Variants in PTPRD observed in about 807,000 individuals in gnomAD.
PTPRD encodes the protein receptor-type tyrosine-protein phosphatase delta.
PTPRD carries 34 observed loss-of-function variants against 214.5 expected under a neutral mutation model. That is an observed-to-expected ratio of 0.16 (90% CI 0.12 to 0.21). The LOEUF (loss-of-function observed/expected upper bound fraction) is 0.21, where lower values mean the gene tolerates loss of function less well. Ranked by LOEUF, PTPRD falls within the 10% of genes least tolerant of loss-of-function variation. The pLI, the probability that PTPRD is intolerant of heterozygous loss-of-function variation, is 1.00. For missense variants in PTPRD, 2,545 were observed against 2,398.7 expected (o/e 1.06, Z -1.27); for synonymous variants, 1,128 against 845.7 (o/e 1.33, Z -5.79).
At chr9:9,487,752 A>T (rs2095712316) in intron 8 of PTPRD, among the ~76,000 whole-genome samples, 1 of 152,130 alleles carries the variant, frequency 6.6e-6, no homozygotes, top group Admixed American at 6.6e-5. Context: ...ATAGACTTTG[A>T]TTCTTTACAA....
At chr9:9,469,340 T>C (rs1320975826) in intron 8 of PTPRD, among the ~76,000 whole-genome samples, 2 of 152,148 alleles carry the variant, frequency 1.3e-5, no homozygotes, top group African/African-American at 4.8e-5. Context: ...AACTGTTGTC[T>C]TCTAGGAGCA....
intron 21 of PTPRD, among the ~76,000 whole-genome samples, chr9:8,509,958 T>C (rs1306099382): frequency 6.6e-6 from 1 of 152,116 alleles, no homozygotes; most frequent in Non-Finnish European, 1.5e-5. Context: ...TTGAAATGGT[T>C]CGGAGGTTAA....
intron 2 of PTPRD, among the ~76,000 whole-genome samples, chr9:10,526,512 C>T (rs1001390785): frequency 1.3e-5 from 2 of 151,946 alleles, no homozygotes; most frequent in Non-Finnish European, 2.9e-5. Flanking sequence ...ATTTCAGGAG[C>T]TTATAAGGAG....
chr9:9,276,763 G>A (rs566546286), intron 9 of PTPRD, among the ~76,000 whole-genome samples: 4 of 151,418 alleles, frequency 2.6e-5, no homozygotes, highest in Admixed American at 2.6e-4. Context: ...TCTCTTTCTT[G>A]GTGTAAGGGG....
intron 39 of PTPRD, among the ~76,000 whole-genome samples, chr9:8,367,308 T>G (rs559346423): frequency 2.1e-4 from 32 of 152,314 alleles, no homozygotes; most frequent in Non-Finnish European, 3.8e-4. Context: ...ATTAGTTTTA[T>G]TACCATAAGC....
intron 10 of PTPRD, among the ~76,000 whole-genome samples, chr9:9,126,297 C>T (rs531664335): frequency 6.6e-6 from 1 of 152,272 alleles, no homozygotes; most frequent in South Asian, 2.1e-4. Context: ...TTCCTATAGC[C>T]TTTGGCATTT....
rs149506861 is a variant in PTPRD at position 10,397,308 on chromosome 9, A to G, written c.-599-56291T>C. On this transcript the variant is annotated intron_variant, in intron 2 of 45. Transcript: ENST00000381196. ...TGGACATGATAATGGTACATCCGTC[A>G]GACATTTGTTGTGTCAGTTAAACAA... is the stretch of plus-strand genomic sequence containing the variant. Among the ~76,000 whole-genome samples the G allele has an allele frequency of 4.4e-3, 676 of 152,174 alleles. 6 individuals are homozygous for G. The highest frequency in any genetic ancestry group is 0.015 in the African/African-American group (643 of 41,554).
At chr9:9,476,010 A>T (rs1410373117) in intron 8 of PTPRD, among the ~76,000 whole-genome samples, 1 of 152,218 alleles carries the variant, frequency 6.6e-6, no homozygotes, top group East Asian at 1.9e-4. Flanking sequence ...GAAAAGTCTC[A>T]TAGACTGTAC....
At chr9:8,540,917 T>C (rs2078246466) in intron 14 of PTPRD, among the ~76,000 whole-genome samples, 1 of 152,154 alleles carries the variant, frequency 6.6e-6, no homozygotes, top group Non-Finnish European at 1.5e-5. Context: ...AGGCAAACTG[T>C]GGTAGGTATT....
chr9:8,557,455 T>TATATATATATATATATATAC, intron 14 of PTPRD, among the ~76,000 whole-genome samples: 36 of 135,614 alleles, frequency 2.7e-4, no homozygotes, highest in African/African-American at 1.0e-3. Context: ...TATATATATA[T>TATATATATATATATATATAC]ATTTGGGCCG....
intron 3 of PTPRD, among the ~76,000 whole-genome samples, chr9:10,340,542 T>G (rs1469740783): frequency 1.3e-5 from 2 of 151,894 alleles, no homozygotes; most frequent in African/African-American, 4.8e-5. Flanking sequence ...TATTCAGAAT[T>G]AAAAACTAGC....
At chr9:9,860,254 G>T (rs1342127454) in intron 5 of PTPRD, among the ~76,000 whole-genome samples, 1 of 152,196 alleles carries the variant, frequency 6.6e-6, no homozygotes, top group Non-Finnish European at 1.5e-5. Flanking sequence ...CAACACAAAT[G>T]ATGGAAAAGA....
chr9:10,443,691 G>A (rs1456605448), intron 2 of PTPRD, among the ~76,000 whole-genome samples: 1 of 151,086 alleles, frequency 6.6e-6, no homozygotes, highest in Non-Finnish European at 1.5e-5. Context: ...TTCCCATGAG[G>A]TCTGCTTGCC....
chr9:8,430,741 C>A (rs1405919442), intron 35 of PTPRD, among the ~76,000 whole-genome samples: 1 of 152,114 alleles, frequency 6.6e-6, no homozygotes, highest in Non-Finnish European at 1.5e-5. Flanking sequence ...ACTACCAGAA[C>A]GTTCATTTCT....
At position 10,005,998 on chromosome 9, in the gene PTPRD, C is replaced by T. The variant is rs1250654809; in HGVS notation, c.-472+27720G>A. On this transcript the variant is annotated intron_variant, in intron 4 of 45. Coordinates refer to ENST00000381196, the MANE Select transcript of PTPRD (RefSeq NM_002839.4). ...AAATGCTTATGACATAAGAACAAGG[C>T]AGGGCATGCAATTATAAACATATAC... 2.6e-5 allele frequency among the ~76,000 whole-genome samples: 4 copies of T among 151,936 alleles called. No homozygotes were observed. In the East Asian group the frequency reaches 7.7e-4, roughly 29 times the overall value.
chr9:9,706,966 G>A (rs756510502), intron 7 of PTPRD, among the ~76,000 whole-genome samples: 2 of 152,024 alleles, frequency 1.3e-5, no homozygotes, highest in Non-Finnish European at 2.9e-5. Flanking sequence ...AAAATAATTT[G>A]TTATCAGCAA....
intron 2 of PTPRD, among the ~76,000 whole-genome samples, chr9:10,413,238 G>C (rs1224890955): frequency 6.6e-6 from 1 of 151,892 alleles, no homozygotes; most frequent in African/African-American, 2.4e-5. Flanking sequence ...AGCTCTTTCA[G>C]CTAAGAAACA....
chr9:8,958,272 A>G (rs1205943673), intron 11 of PTPRD, among the ~76,000 whole-genome samples: 1 of 151,934 alleles, frequency 6.6e-6, no homozygotes, highest in Non-Finnish European at 1.5e-5. Flanking sequence ...TGTCTGAACA[A>G]GGAAGATGTG....
At chr9:8,318,911 CAGAT>C (rs770925616) in intron 45 of PTPRD, among the ~76,000 whole-genome samples, 1 of 152,030 alleles carries the variant, frequency 6.6e-6, no homozygotes, top group Admixed American at 6.6e-5. Flanking sequence ...TGAAAGTAGA[CAGAT>C]AGTTTCTATT....
Sources: allele counts gnomAD v4.1 joint callset (sites outside exome capture counted in the v4.1 genomes callset), GRCh38; gene constraint gnomAD v4.1.1; transcripts MANE v1.5; gene names NCBI Gene and HGNC (gene_info 2026-07-23, HGNC 2026-07-21).